The following SGCZ variants were observed in gnomAD, a reference collection of about 807,000 sequenced individuals.
The protein encoded by SGCZ is zeta-sarcoglycan.
In SGCZ, 40 loss-of-function variants were observed where a neutral mutation model predicts 41.3. The observed-to-expected ratio is 0.97, with a 90% CI of 0.75 to 1.26. The LOEUF (loss-of-function observed/expected upper bound fraction) is 1.26. Among genes scored for constraint, SGCZ ranks in the 50% most tolerant of loss-of-function variants. The pLI, the probability that SGCZ is intolerant of heterozygous loss-of-function variation, is 0.00. For missense variants in SGCZ, 552 were observed against 369.8 expected (o/e 1.49, Z -4.04); for synonymous variants, 206 against 137.5 (o/e 1.50, Z -3.49).
intron 5 of SGCZ, among the ~76,000 whole-genome samples, chr8:14,123,180 C>G (rs1802751831): frequency 6.6e-6 from 1 of 152,166 alleles, no homozygotes; most frequent in African/African-American, 2.4e-5. Context: ...TTTATTTCAT[C>G]TGCCAAACAA....
At chr8:14,933,611 TCTTTC>T (rs1799990623) in intron 1 of SGCZ, among the ~76,000 whole-genome samples, 2 of 151,736 alleles carry the variant, frequency 1.3e-5, no homozygotes, top group Non-Finnish European at 2.9e-5. Context: ...TTTCTTTCTT[TCTTTC>T]TTTTTTCTGT....
At chr8:14,928,260 G>C (rs1158563425) in intron 1 of SGCZ, among the ~76,000 whole-genome samples, 2 of 152,102 alleles carry the variant, frequency 1.3e-5, no homozygotes, top group East Asian at 1.9e-4. Flanking sequence ...GTTGGCATAG[G>C]ACTTCTAGTT....
intron 3 of SGCZ, among the ~76,000 whole-genome samples, chr8:14,299,929 G>A (rs1471707609): frequency 6.6e-6 from 1 of 151,860 alleles, no homozygotes; most frequent in African/African-American, 2.4e-5. Context: ...CTGCATTGCT[G>A]AATGATCAAA....
At chr8:14,377,733 T>C (rs1804186872) in intron 2 of SGCZ, among the ~76,000 whole-genome samples, 1 of 149,342 alleles carries the variant, frequency 6.7e-6, no homozygotes, top group African/African-American at 2.5e-5. Context: ...CCTATGTCCA[T>C]GTGATCTCAT....
At chr8:14,211,093 A>T (rs773321460) in intron 4 of SGCZ, among the ~76,000 whole-genome samples, 21 of 152,228 alleles carry the variant, frequency 1.4e-4, no homozygotes, top group African/African-American at 4.8e-4. Context: ...TAAATCCATG[A>T]TTTTGCCTGC....
intron 1 of SGCZ, among the ~76,000 whole-genome samples, chr8:14,575,435 A>G (rs1193225139): frequency 6.6e-6 from 1 of 152,220 alleles, no homozygotes; most frequent in East Asian, 1.9e-4. Flanking sequence ...TAAAGTGAAA[A>G]TATGTATACC....
intron 2 of SGCZ, among the ~76,000 whole-genome samples, chr8:14,351,255 G>C (rs1030006378): frequency 1.3e-5 from 2 of 152,164 alleles, no homozygotes; most frequent in East Asian, 1.9e-4. Context: ...AACTTATTCA[G>C]ATAAATTGAT....
chr8:14,942,693 C>T (rs1333150415), intron 1 of SGCZ, among the ~76,000 whole-genome samples: 1 of 152,164 alleles, frequency 6.6e-6, no homozygotes, highest in Non-Finnish European at 1.5e-5. Context: ...TTATTCACAA[C>T]TATATTTCTC....
chr8:14,534,718 A>C (rs1343184391), intron 2 of SGCZ, among the ~76,000 whole-genome samples: 1 of 151,994 alleles, frequency 6.6e-6, no homozygotes, highest in Non-Finnish European at 1.5e-5. Flanking sequence ...GTCACCTTCA[A>C]ACCAAGTATA....
At chr8:14,613,569 T>C (rs1337514016) in intron 1 of SGCZ, among the ~76,000 whole-genome samples, 1 of 152,182 alleles carries the variant, frequency 6.6e-6, no homozygotes, top group African/African-American at 2.4e-5. Context: ...AATTCTTTCT[T>C]CCTATGCTCA....
intron 1 of SGCZ, among the ~76,000 whole-genome samples, chr8:14,837,368 T>G (rs573490351): frequency 4.6e-5 from 7 of 152,334 alleles, no homozygotes; most frequent in African/African-American, 1.7e-4. Context: ...GAAAACATTC[T>G]TAGTGTTTCC....
intron 1 of SGCZ, among the ~76,000 whole-genome samples, chr8:15,164,411 G>A (rs576230467): frequency 1.3e-5 from 2 of 152,188 alleles, no homozygotes; most frequent in East Asian, 3.9e-4. Context: ...CTCCATGACA[G>A]GACTGGGACG....
chr8:14,309,158 T>C (rs1429745006), intron 3 of SGCZ: 2 of 1,472,356 alleles, frequency 1.4e-6, no homozygotes, highest in Non-Finnish European at 1.9e-6. Flanking sequence ...ACTCTGGTTT[T>C]TTAAAAACGA....
chr8:15,205,058 T>TAAC (rs1185890921), intron 1 of SGCZ, among the ~76,000 whole-genome samples: 1 of 152,142 alleles, frequency 6.6e-6, no homozygotes, highest in Non-Finnish European at 1.5e-5. Context: ...AAGTTCAAGT[T>TAAC]AACAGTGAAA....
intron 1 of SGCZ, among the ~76,000 whole-genome samples, chr8:15,203,964 G>T (rs34848985): frequency 6.6e-6 from 1 of 152,076 alleles, no homozygotes; most frequent in Non-Finnish European, 1.5e-5. Flanking sequence ...ATGGGACTAC[G>T]TTTATGTAAG....
At chr8:14,650,921 A>C (rs1020224353) in intron 1 of SGCZ, among the ~76,000 whole-genome samples, 1 of 152,106 alleles carries the variant, frequency 6.6e-6, no homozygotes, top group Non-Finnish European at 1.5e-5. Flanking sequence ...AATATTTATA[A>C]GGCAGAGAAT....
chr8:14,929,048 G>C (rs1002598943), intron 1 of SGCZ, among the ~76,000 whole-genome samples: 1 of 152,084 alleles, frequency 6.6e-6, no homozygotes, highest in Non-Finnish European at 1.5e-5. Flanking sequence ...CTGGAGTGCA[G>C]TGGCATGATC....
At chr8:14,876,113 T>G (rs1402927045) in intron 1 of SGCZ, among the ~76,000 whole-genome samples, 2 of 152,162 alleles carry the variant, frequency 1.3e-5, no homozygotes, top group Non-Finnish European at 2.9e-5. Context: ...CTTGCATCAG[T>G]GTAGACAATA....
chr8:14,552,686 G>C (rs1240983340), intron 2 of SGCZ, among the ~76,000 whole-genome samples: 1 of 152,030 alleles, frequency 6.6e-6, no homozygotes, highest in East Asian at 1.9e-4. Context: ...AGGATCCTGA[G>C]GACACAGGTG....
Sources: gnomAD v4.1 joint callset for allele counts (sites outside exome capture counted in the v4.1 genomes callset) on GRCh38, gnomAD v4.1.1 for gene constraint, MANE v1.5 for transcripts, NCBI Gene and HGNC (gene_info 2026-07-23, HGNC 2026-07-21) for gene names.